Variants in NCOR2 observed in about 807,000 individuals in gnomAD.
The protein encoded by NCOR2 is CTG repeat protein 26.
Under a neutral mutation model 262.9 loss-of-function variants are expected in NCOR2, and 81 were observed. That is an observed-to-expected ratio of 0.31 (90% CI 0.26 to 0.37). The LOEUF (loss-of-function observed/expected upper bound fraction) is 0.37. Among genes scored for constraint, NCOR2 ranks in the 10% least tolerant of loss-of-function variants. NCOR2 has a pLI of 1.00. For synonymous variants in NCOR2, 1,659 were observed against 1,559.3 expected (o/e 1.06, Z -1.51); for missense variants, 3,385 against 3,621.4 (o/e 0.93, Z 1.68).
Position 124,504,269 on chromosome 12 carries a change from C to T in NCOR2, c.-117-8901G>A, listed in dbSNP as rs1182269202. 6.6e-6 allele frequency among the ~76,000 whole-genome samples: 1 copy of T among 152,226 alleles called. No individual in the cohort carries two copies. The highest frequency in any genetic ancestry group is 6.5e-5 in the Admixed American group (1 of 15,288). On this transcript the variant is annotated intron_variant, in intron 1 of 46. Transcript: ENST00000404621. This position sits in a 1 kb window ranked among gnomAD's most constrained non-coding sequence, Gnocchi z 4.5. Reference sequence around the variant, plus strand: ...AGCCAGAAAGCTGGGGTGCCCGGAGCGTCTCGTCAGGTCCCAGACTTGCTC... The same window carrying T: ...AGCCAGAAAGCTGGGGTGCCCGGAGTGTCTCGTCAGGTCCCAGACTTGCTC...
chr12:124,450,167 C>T lies in NCOR2; in HGVS notation c.763-300G>A, dbSNP rs115743449. The stretch of plus-strand genomic sequence containing the variant: ...AAGGGGCCACAGCCCAGAGCACACC[C>T]GGACAAACCCACACACACCCCAGAG... On this transcript the variant is annotated intron_variant, in intron 6 of 46. Coordinates refer to ENST00000405201, the Ensembl canonical transcript of NCOR2. 7.1e-3 allele frequency among the ~76,000 whole-genome samples: 1,087 copies of T among 152,354 alleles called. 11 individuals carry two copies. The highest frequency in any genetic ancestry group is 0.024 in the African/African-American group (981 of 41,588).
intron 41 of NCOR2, among the ~76,000 whole-genome samples, chr12:124,333,871 T>C (rs2035523461): frequency 1.1e-5 from 1 of 91,792 alleles, no homozygotes; most frequent in Non-Finnish European, 2.3e-5. Context: ...TGTGTGCGCA[T>C]GTGTGCGGGT....
chr12:124,514,365 A>C (rs569667025), intron 1 of NCOR2: 4 of 152,270 alleles, frequency 2.6e-5, no homozygotes, highest in Non-Finnish European at 5.9e-5. Context: ...ACCCAGTCCA[A>C]ATAGACTAAA....
rs1462083077 is a variant in NCOR2, at chr12:124,503,543, G to A, written c.-117-8175C>T. On this transcript the variant is annotated intron_variant, in intron 1 of 46. Coordinates refer to the NCOR2 transcript ENST00000404621. This position sits in a 1 kb window ranked among gnomAD's most constrained non-coding sequence, Gnocchi z 4.3. The stretch of plus-strand genomic sequence containing the variant: ...AGGATGGACAGATGAATGGATGGAT[G>A]GATGGACGAATGGATGGATGGATAG... Among the ~76,000 whole-genome samples, 1 of 150,914 alleles carries A rather than the reference G, an allele frequency of 6.6e-6. No individual in the cohort carries two copies. Among genetic ancestry groups the A allele is most frequent in the African/African-American group, 2.5e-5 (1 of 40,680 alleles).
At chr12:124,526,223 T>G (rs1350918913) in intron 1 of NCOR2, among the ~76,000 whole-genome samples, 3 of 152,110 alleles carry the variant, frequency 2.0e-5, no homozygotes, top group Non-Finnish European at 4.4e-5. Flanking sequence ...GGGTCTTTCC[T>G]CAACTCCTCT....
intron 1 of NCOR2, among the ~76,000 whole-genome samples, chr12:124,565,008 G>A (rs955478774): frequency 2.6e-5 from 4 of 151,420 alleles, no homozygotes; most frequent in African/African-American, 9.7e-5. Flanking sequence ...AAATCTTTAG[G>A]AGGTGGCATG....
chr12:124,414,991 C>T (rs903629705), intron 13 of NCOR2, among the ~76,000 whole-genome samples: 2 of 152,130 alleles, frequency 1.3e-5, no homozygotes, highest in Non-Finnish European at 2.9e-5. Flanking sequence ...AAAGAAGAAC[C>T]GGCCCACAGA....
intron 13 of NCOR2, among the ~76,000 whole-genome samples, chr12:124,419,596 A>C (rs1187402886): frequency 1.3e-5 from 2 of 152,232 alleles, no homozygotes; most frequent in Non-Finnish European, 2.9e-5. Context: ...AACTACCCCA[A>C]GTCATCCTGG....
At chr12:124,363,116 G>A (rs60194724) in intron 21 of NCOR2, among the ~76,000 whole-genome samples, 2 of 152,242 alleles carry the variant, frequency 1.3e-5, no homozygotes, top group African/African-American at 2.4e-5. Flanking sequence ...TGTGGGCCTC[G>A]GGGACTGGGC....
intron 27 of NCOR2, among the ~76,000 whole-genome samples, chr12:124,351,955 G>A (rs1458150971): frequency 6.6e-6 from 1 of 152,206 alleles, no homozygotes; most frequent in Non-Finnish European, 1.5e-5. Flanking sequence ...CCCTGGCAGA[G>A]GGCAGCACCT....
At chr12:124,486,485 C>T (rs1203658837) in exon 2 of NCOR2, 1 of 1,611,702 alleles carries the variant, frequency 6.2e-7, no homozygotes, top group Non-Finnish European at 8.5e-7. Context: ...AGGGCCTCCG[C>T]CGCTGGGGCT....
chr12:124,447,939 C>T (rs1259962485), intron 7 of NCOR2, among the ~76,000 whole-genome samples: 6 of 152,208 alleles, frequency 3.9e-5, no homozygotes, highest in Non-Finnish European at 7.3e-5. Flanking sequence ...CCACCTCAGC[C>T]TCCCAAAGTG....
intron 13 of NCOR2, among the ~76,000 whole-genome samples, chr12:124,405,990 G>A (rs34135175): frequency 3.3e-5 from 5 of 152,236 alleles, no homozygotes; most frequent in South Asian, 2.1e-4. Flanking sequence ...TGCCCAGGCC[G>A]CACCCCACAC....
rs186198260 is a variant in NCOR2 at position 124,507,826 on chromosome 12, C to A, written c.-117-12458G>T. Among the ~76,000 whole-genome samples, 35 of 152,346 alleles carry A rather than the reference C, an allele frequency of 2.3e-4. 2 individuals carry two copies. The South Asian group carries it at 3.9e-3, about 17-fold the overall frequency. ...CATGCCCAGACCCCGAGTGTGAAGG[C>A]GGCCTCCGCAAGGTTCCCACCGACT... On this transcript the variant is annotated intron_variant, in intron 1 of 46. Coordinates refer to the NCOR2 transcript ENST00000404621.
exon 38 of NCOR2, chr12:124,337,019 G>A: frequency 6.7e-7 from 1 of 1,503,664 alleles, no homozygotes; most frequent in Non-Finnish European, 8.9e-7. Context: ...GCCGGTGTCT[G>A]CTCGGGGCCG....
chr12:124,457,999 G>A lies in NCOR2; in HGVS notation c.706-837C>T, dbSNP rs552585928. Among the ~76,000 whole-genome samples the A allele has an allele frequency of 9.2e-5, 14 of 152,370 alleles. No homozygotes were observed. The highest frequency in any genetic ancestry group is 1.2e-4 in the African/African-American group (5 of 41,592). On this transcript the variant is annotated intron_variant, in intron 5 of 46. Transcript: ENST00000405201. The surrounding 1 kb of genome is among the most constrained non-coding windows in gnomAD (Gnocchi z 4.0). ...GGCGGAGGGCAGGGGCAGAATTTGC[G>A]TGGGTTTGGGTGCCCCCTGCACCAG...
Position 124,356,182 on chromosome 12 carries a change from G to A in NCOR2, c.3241+460C>T, listed in dbSNP as rs576547027. ...GCTCCCTTGGCCCACGCATCCCTCGGGACCAGCCTTTACCAACAGCAGTCT... is the reference window on the plus strand; with the variant it reads ...GCTCCCTTGGCCCACGCATCCCTCGAGACCAGCCTTTACCAACAGCAGTCT... On this transcript the variant is annotated intron_variant, in intron 23 of 46. Transcript: ENST00000405201. 2.0e-5 allele frequency among the ~76,000 whole-genome samples: 3 copies of A among 152,300 alleles called. No homozygotes were observed. In the South Asian group the frequency reaches 6.2e-4, roughly 32 times the overall value.
intron 1 of NCOR2, among the ~76,000 whole-genome samples, chr12:124,547,664 C>T (rs1407430339): frequency 1.3e-5 from 2 of 152,164 alleles, no homozygotes; most frequent in African/African-American, 2.4e-5. Context: ...GTAGGTTCTC[C>T]CCAGGTCCCC....
chr12:124,337,231 T>A, intron 37 of NCOR2, 51 bp from the exon 40 acceptor site: 3 of 1,532,188 alleles, frequency 2.0e-6, no homozygotes, highest in Non-Finnish European at 2.7e-6. Flanking sequence ...GCCCTCTTCC[T>A]CCACCACCCT....
Sources: allele counts gnomAD v4.1 joint callset (sites outside exome capture counted in the v4.1 genomes callset), GRCh38; gene constraint gnomAD v4.1.1; non-coding constraint Gnocchi (gnomAD v3.1); transcripts MANE v1.5; gene names NCBI Gene and HGNC (gene_info 2026-07-23, HGNC 2026-07-21).